The following ANKS1B variants were observed in gnomAD, a reference collection of about 807,000 sequenced individuals.
ANKS1B encodes the protein ankyrin repeat and sterile alpha motif domain containing 1B, also known as ankyrin repeat and sterile alpha motif domain-containing protein 1B.
In ANKS1B, 36 loss-of-function variants were observed where a neutral mutation model predicts 148.3. The observed-to-expected ratio is 0.24, with a 90% confidence interval of 0.19 to 0.32. ANKS1B has a LOEUF of 0.32. Among genes scored for constraint, ANKS1B ranks in the 10% least tolerant of loss-of-function variants. The pLI, the probability that ANKS1B is intolerant of heterozygous loss-of-function variation, is 1.00. For synonymous variants in ANKS1B, 542 were observed against 560.8 expected, an observed-to-expected ratio of 0.97 and a Z score of 0.47; for missense variants, 1,157 against 1,542.6, an observed-to-expected ratio of 0.75 and a Z score of 4.19.
chr12:99,912,356 T>A (rs1322971275), intron 1 of ANKS1B, among the ~76,000 whole-genome samples: 1 of 49,224 alleles, frequency 2.0e-5, no homozygotes, highest in Non-Finnish European at 4.3e-5. Context: ...CCCAATCAAT[T>A]TTTTTTTTTT....
At chr12:99,156,624 C>A (rs1375233109) in intron 14 of ANKS1B, among the ~76,000 whole-genome samples, 1 of 152,138 alleles carries the variant, frequency 6.6e-6, no homozygotes, top group Admixed American at 6.5e-5. Flanking sequence ...TTTATTATGT[C>A]CCCACATTTC....
chr12:99,884,853 A>G (rs145072791), intron 1 of ANKS1B, among the ~76,000 whole-genome samples: 6 of 152,262 alleles, frequency 3.9e-5, no homozygotes, highest in African/African-American at 1.4e-4. Flanking sequence ...GTCCAAACTC[A>G]TAGACCTGTA....
rs1000029937 is a variant in ANKS1B, at chr12:99,432,631, T to A, written c.1575+11042A>T. 4.3e-4 allele frequency among the ~76,000 whole-genome samples: 65 copies of A among 152,076 alleles called. 1 individual carries two copies. The highest frequency in any genetic ancestry group is 1.6e-3 in the African/African-American group (65 of 41,402). The stretch of plus-strand genomic sequence containing the variant: ...AAAATTGTTATAAAGGAAAATAGCA[T>A]AACAGAGACAGAGAATAAAGTGGTA... On this transcript the variant is annotated intron_variant, in intron 11 of 26. Transcript: ENST00000683438.
intron 9 of ANKS1B, among the ~76,000 whole-genome samples, chr12:99,586,965 TG>T (rs2097648567): frequency 6.6e-6 from 1 of 152,028 alleles, no homozygotes; most frequent in African/African-American, 2.4e-5. Context: ...GAGATTTGGG[TG>T]GGGACAGAAC....
chr12:99,955,298 T>C (rs1359374421), intron 1 of ANKS1B, among the ~76,000 whole-genome samples: 1 of 151,426 alleles, frequency 6.6e-6, no homozygotes, highest in East Asian at 1.9e-4. Flanking sequence ...CTCGAGACCA[T>C]CCTGGCTGAC....
intron 11 of ANKS1B, among the ~76,000 whole-genome samples, chr12:99,434,366 T>G (rs1210304156): frequency 1.3e-5 from 2 of 152,154 alleles, no homozygotes; most frequent in Non-Finnish European, 2.9e-5. Context: ...TTTTATTTAA[T>G]TACACAATAA....
chr12:99,481,716 T>C (rs1249201834), intron 10 of ANKS1B, among the ~76,000 whole-genome samples: 4 of 152,018 alleles, frequency 2.6e-5, no homozygotes, highest in Admixed American at 2.6e-4. Flanking sequence ...TTTGACTTTT[T>C]AGTAATGGCC....
chr12:99,187,232 G>A (rs990023622), intron 14 of ANKS1B, among the ~76,000 whole-genome samples: 3 of 151,700 alleles, frequency 2.0e-5, no homozygotes, highest in East Asian at 3.9e-4. Context: ...TGGAAGTGAC[G>A]GGGAGAGTGG....
At chr12:98,933,254 GACTA>G (rs1267627946) in intron 17 of ANKS1B, among the ~76,000 whole-genome samples, 3 of 152,130 alleles carry the variant, frequency 2.0e-5, no homozygotes, top group East Asian at 1.9e-4. Context: ...GAATTTCTGC[GACTA>G]ACTTACTTCA....
At chr12:99,531,742 T>C (rs1195816687) in intron 9 of ANKS1B, among the ~76,000 whole-genome samples, 4 of 152,324 alleles carry the variant, frequency 2.6e-5, no homozygotes, top group South Asian at 2.1e-4. Flanking sequence ...GTTCAATAGA[T>C]GGTAGATGTG....
chr12:99,561,880 G>A (rs1048977062), intron 9 of ANKS1B, among the ~76,000 whole-genome samples: 1 of 152,114 alleles, frequency 6.6e-6, no homozygotes, highest in Non-Finnish European at 1.5e-5. Context: ...AAGTAGAATG[G>A]TAAATCCTTT....
intron 17 of ANKS1B, among the ~76,000 whole-genome samples, chr12:98,885,293 A>C (rs2099736985): frequency 6.6e-6 from 1 of 152,252 alleles, no homozygotes; most frequent in Non-Finnish European, 1.5e-5. Flanking sequence ...TAAACTTCAA[A>C]ACTGGCAGCC....
At chr12:99,935,888 C>CACTGGACA (rs1555254491) in intron 1 of ANKS1B, among the ~76,000 whole-genome samples, 2 of 151,074 alleles carry the variant, frequency 1.3e-5, no homozygotes, top group African/African-American at 4.9e-5. Flanking sequence ...AAATACCTGA[C>CACTGGACA]ACTGGATAAT....
At chr12:99,899,895 T>C (rs913119643) in intron 1 of ANKS1B, among the ~76,000 whole-genome samples, 1 of 149,270 alleles carries the variant, frequency 6.7e-6, no homozygotes, top group South Asian at 2.1e-4. Context: ...GTAAAAAGAA[T>C]TGTGATTTTT....
intron 14 of ANKS1B, among the ~76,000 whole-genome samples, chr12:99,208,649 G>A (rs2082964946): frequency 6.6e-6 from 1 of 152,110 alleles, no homozygotes; most frequent in African/African-American, 2.4e-5. Context: ...TGGACTGGGT[G>A]AGAAGTTCCA....
intron 17 of ANKS1B, among the ~76,000 whole-genome samples, chr12:98,847,754 C>A (rs2099490025): frequency 6.6e-6 from 1 of 152,166 alleles, no homozygotes; most frequent in Non-Finnish European, 1.5e-5. Flanking sequence ...CGCCACCATG[C>A]CTGGCTAATT....
At chr12:98,760,977 A>G (rs2098392747) in intron 25 of ANKS1B, among the ~76,000 whole-genome samples, 2 of 152,212 alleles carry the variant, frequency 1.3e-5, no homozygotes, top group South Asian at 4.1e-4. Context: ...GATATTGCCT[A>G]CTACATCCTA....
Position 99,593,427 on chromosome 12 carries a change from A to C in ANKS1B, c.1272+61640T>G, listed in dbSNP as rs554346072. On this transcript the variant is annotated intron_variant, in intron 9 of 26. Coordinates refer to ENST00000683438, the MANE Select transcript of ANKS1B (RefSeq NM_001352186.2). ...TGAAATTCAGAAGCACAATAATATAATTTATAAAGAATACCTAAACTTACT... is the reference window on the plus strand; with the variant it reads ...TGAAATTCAGAAGCACAATAATATACTTTATAAAGAATACCTAAACTTACT... Among the ~76,000 whole-genome samples the C allele has an allele frequency of 9.7e-4, 147 of 152,254 alleles. 1 individual carries two copies. Among genetic ancestry groups the C allele is most frequent in the Admixed American group, 2.0e-3 (31 of 15,296 alleles).
At chr12:99,190,935 A>C (rs758350302) in intron 14 of ANKS1B, among the ~76,000 whole-genome samples, 7 of 152,158 alleles carry the variant, frequency 4.6e-5, no homozygotes, top group Non-Finnish European at 1.0e-4. Context: ...AAATTTTTGC[A>C]ATCTCTCCAT....
Sources: allele counts gnomAD v4.1 joint callset (sites outside exome capture counted in the v4.1 genomes callset), GRCh38; gene constraint gnomAD v4.1.1; transcripts MANE v1.5; gene names NCBI Gene and HGNC (gene_info 2026-07-23, HGNC 2026-07-21).